The following ATP8B3 variants were observed in gnomAD, a reference collection of about 807,000 sequenced individuals.
ATP8B3 encodes phospholipid-transporting ATPase IK.
A neutral mutation model predicts 140.9 loss-of-function variants in ATP8B3; 141 were observed. That is an observed-to-expected ratio of 1.00 (90% CI 0.87 to 1.15). The LOEUF (loss-of-function observed/expected upper bound fraction) is 1.15, where lower values mean the gene tolerates loss of function less well. Among genes scored for constraint, ATP8B3 ranks in the 50% most tolerant of loss-of-function variants. The pLI is 0.00. For synonymous variants in ATP8B3, 765 were observed against 714.6 expected (o/e 1.07, Z -1.13); for missense variants, 1,874 against 1,740.6 (o/e 1.08, Z -1.36).
At position 1,807,906 on chromosome 19, in the gene ATP8B3, A is replaced by G. The variant is rs1174466175; in HGVS notation, c.516+316T>C. Among the ~76,000 whole-genome samples, 2 of 152,204 alleles carry G rather than the reference A, an allele frequency of 1.3e-5. No homozygotes were observed. Among genetic ancestry groups the G allele is most frequent in the African/African-American group, 2.4e-5 (1 of 41,450 alleles). ...GAGGTCAGCTGGGAGGGCGGGGGCC[A>G]GGGGAGCTGCGTGGCCGAGGCCGTT... On this transcript the variant is annotated intron_variant, in intron 5 of 28. Coordinates refer to ENST00000310127, the MANE Select transcript of ATP8B3 (RefSeq NM_138813.4). This position sits in a 1 kb window ranked among gnomAD's most constrained non-coding sequence, Gnocchi z 5.9.
intron 14 of ATP8B3, among the ~76,000 whole-genome samples, chr19:1,797,260 C>A (rs6510627): frequency 6.6e-6 from 1 of 150,556 alleles, no homozygotes; most frequent in African/African-American, 2.4e-5. Flanking sequence ...AGCCTGGAGC[C>A]GGATGCGGCC....
chr19:1,792,163 A>T, intron 18 of ATP8B3, 28 bp from the exon 19 acceptor site: 1 of 1,545,544 alleles, frequency 6.5e-7, no homozygotes. Flanking sequence ...GGAAGCTGTC[A>T]CCATGCTGAA....
chr19:1,811,353 G>A, intron 2 of ATP8B3, 136 bp downstream of exon 2: 2 of 1,270,216 alleles, frequency 1.6e-6, no homozygotes, highest in Non-Finnish European at 2.1e-6. Context: ...GGGGGCCCTG[G>A]TTTGGCCCCC....
In ATP8B3 at chr19:1,783,258, C is replaced by A. The variant is rs1295631117; in HGVS notation, c.3673G>T (p.Glu1225Ter). 1 of 1,608,444 alleles carries A rather than the reference C, an allele frequency of 6.2e-7. No homozygotes were observed. Among genetic ancestry groups the A allele is most frequent in the African/African-American group, 1.3e-5 (1 of 74,820 alleles). ...KELRAKEEKVEEGPSEEIFTM... is the reference protein window; with the variant it reads ...KELRAKEEKV ...AAAATCTCCTCGCTGGGGCCCTCCT[C>A]CACCTTCTCCTCCTGAAGAGCAAAG... Residue 1225 changes from glutamate to a stop codon, truncating the protein, a stop_gained, in exon 29 of 29, where the codon GAG (glutamate) becomes TAG (stop). Coordinates refer to ENST00000310127, the MANE Select transcript of ATP8B3 (RefSeq NM_138813.4). LOFTEE classifies it low-confidence loss of function (END_TRUNC).
intron 18 of ATP8B3, 27 bp downstream of exon 18, chr19:1,795,831 ACACACACACACACACAT>A (rs750823637): frequency 1.5e-5 from 20 of 1,376,344 alleles, no homozygotes; most frequent in African/African-American, 1.1e-4. Context: ...ACACACACAC[ACACACACACACACACAT>A]AAGCCAGCCT....
At chr19:1,786,415 A>G (rs1187844537) in intron 25 of ATP8B3, among the ~76,000 whole-genome samples, 1 of 151,962 alleles carries the variant, frequency 6.6e-6, no homozygotes, top group Non-Finnish European at 1.5e-5. Context: ...AAAATAAAAA[A>G]ATTAGCCGGG....
In ATP8B3 at chr19:1,805,436, C is replaced by G; in HGVS notation, c.842G>C (p.Arg281Thr). The change falls in exon 10 of 29, where the codon AGA (arginine) becomes ACA (threonine). Residue 281 changes from arginine (R) to threonine (T), a missense_variant. By Grantham distance (71) the Arg-to-Thr change is moderately conservative (BLOSUM62 -1). Coordinates refer to ENST00000310127, the MANE Select transcript of ATP8B3 (RefSeq NM_138813.4). This position sits in a 1 kb window ranked among gnomAD's most constrained non-coding sequence, Gnocchi z 5.2. Reference sequence around the variant, plus strand: ...TTTGTGGGTGACCATCAGGGCCTGTCTGAACTTCAAGTTGGTCTCCCTGGT... The same window carrying G: ...TTTGTGGGTGACCATCAGGGCCTGTGTGAACTTCAAGTTGGTCTCCCTGGT... ...DIDGETNLKF[R>T]QALMVTHKEL... The G allele has an allele frequency of 6.4e-7, 1 of 1,564,834 alleles. No individual in the cohort carries two copies. Among genetic ancestry groups the G allele is most frequent in the Admixed American group, 1.9e-5 (1 of 53,104 alleles).
Position 1,810,804 on chromosome 19 carries a change from T to A in ATP8B3, c.249-121A>T, listed in dbSNP as rs2069167821. On this transcript the variant is annotated intron_variant, in intron 2 of 28. Transcript: ENST00000310127. ...TCTCAAATGCTACCTCCCACACTCA[T>A]CTGCAGCCTCCCCGCCAGGCTCTGA... 3.6e-6 allele frequency: 3 copies of A among 835,096 alleles called. No individual in the cohort carries two copies. In the Middle Eastern group the frequency reaches 1.0e-3, roughly 280 times the overall value. 51.7% of individuals were successfully genotyped at this position (835,096 alleles called of 1,614,324 possible).
rs556114421 is a variant in ATP8B3 at position 1,810,778 on chromosome 19, C to T, written c.249-95G>A. On this transcript the variant is annotated intron_variant, in intron 2 of 28. Coordinates refer to ENST00000310127, the MANE Select transcript of ATP8B3 (RefSeq NM_138813.4). Reference sequence around the variant, plus strand: ...GGAGCTCACAGCCTAGGGGCCGACCCTCTCAAATGCTACCTCCCACACTCA... The same window carrying T: ...GGAGCTCACAGCCTAGGGGCCGACCTTCTCAAATGCTACCTCCCACACTCA... The T allele has an allele frequency of 3.7e-4, 415 of 1,131,992 alleles. 7 individuals carry two copies. The South Asian group carries it at 4.6e-3, about 12-fold the overall frequency. The allele number at this position is 1,131,992 out of a possible 1,614,324, so 70.1% of individuals were successfully genotyped here. A position where few individuals can be genotyped will look rare whatever the true frequency, so the allele number is the denominator to read the frequency against.
rs1346196699 is a variant in ATP8B3, at chr19:1,800,772, G to A, written c.1153-323C>T. ...CCAGGAGGCTGCAGTGAGATATCAT[G>A]GCGCCACTGCACTCCATCCTGGGCA... On this transcript the variant is annotated intron_variant, in intron 12 of 28. Transcript: ENST00000310127. This position sits in a 1 kb window ranked among gnomAD's most constrained non-coding sequence, Gnocchi z 4.4. Among the ~76,000 whole-genome samples, 1 of 152,012 alleles carries A rather than the reference G, an allele frequency of 6.6e-6. No homozygotes were observed. The highest frequency in any genetic ancestry group is 6.6e-5 in the Admixed American group (1 of 15,266).
rs1183215831 is a variant in ATP8B3, at chr19:1,783,092, A to T, written c.3839T>A (p.Ile1280Lys). 6 of 1,613,160 alleles carry T rather than the reference A, an allele frequency of 3.7e-6. No individual in the cohort carries two copies. Among genetic ancestry groups the T allele is most frequent in the Non-Finnish European group, 5.1e-6 (6 of 1,179,700 alleles). Residue 1280 changes from isoleucine (I) to lysine (K), a missense_variant, in exon 29 of 29, where the codon ATA becomes AAA. Coordinates refer to ENST00000310127, the MANE Select transcript of ATP8B3 (RefSeq NM_138813.4). ...LRRGPGVSSDIASESLDPSDE... is the reference protein window; with the variant it reads ...LRRGPGVSSDKASESLDPSDE... ...AGATGGGTCTAGGGATTCAGATGCT[A>T]TGTCACTGCTGACCCCTGGTCCCCT...
Position 1,796,721 on chromosome 19 carries a change from A to C in ATP8B3, c.1743T>G (p.Arg581=). 5 of 1,610,420 alleles carry C rather than the reference A, an allele frequency of 3.1e-6. No individual in the cohort carries two copies. The highest frequency in any genetic ancestry group is 4.2e-6 in the Non-Finnish European group (5 of 1,179,198). ...CHTVMVRESP[R]ERPDQLLYQA... is the part of the protein sequence containing the mutation. ...GGTGGGTGGGCGCACCTGGGCGCTCACGGGGGCTCTCCCGCACCATCACCG... is the reference window on the plus strand; with the variant it reads ...GGTGGGTGGGCGCACCTGGGCGCTCCCGGGGGCTCTCCCGCACCATCACCG... The change falls in exon 16 of 29, where the codon CGT becomes CGG. Residue 581 remains arginine, a synonymous_variant. Coordinates refer to ENST00000310127, the MANE Select transcript of ATP8B3 (RefSeq NM_138813.4).
rs558623387 is a variant in ATP8B3 at position 1,793,176 on chromosome 19, G to A, written c.2056-1041C>T. Among the ~76,000 whole-genome samples the A allele has an allele frequency of 1.1e-4, 17 of 150,114 alleles. No individual in the cohort carries two copies. The South Asian group carries it at 3.0e-3, about 26-fold the overall frequency. On this transcript the variant is annotated intron_variant, in intron 18 of 28. Coordinates refer to ENST00000310127, the MANE Select transcript of ATP8B3 (RefSeq NM_138813.4). ...CCCAATCATAGCTCACTGCAGCCTC[G>A]AACTCCTGGGCTCAAGTGATTCTCC...
At chr19:1,788,611 T>C (rs925069760) in intron 24 of ATP8B3, among the ~76,000 whole-genome samples, 1 of 152,014 alleles carries the variant, frequency 6.6e-6, no homozygotes, top group Non-Finnish European at 1.5e-5. Flanking sequence ...GATCGTGCCA[T>C]TGCACTCCAG....
At chr19:1,797,985 G>A (rs1483144814) in intron 14 of ATP8B3, among the ~76,000 whole-genome samples, 1 of 151,584 alleles carries the variant, frequency 6.6e-6, no homozygotes, top group Admixed American at 6.6e-5. Flanking sequence ...TTGTGTGTGT[G>A]TGTGATGGAG....
rs574257766 is a variant in ATP8B3 at position 1,782,224 on chromosome 19, T to C, written c.*804A>G. Reference sequence around the variant, plus strand: ...TCCCAGGAAGGACATCTTCCTGATATGCCAGCGTGACTCCTTTGGGCTCGA... The same window carrying C: ...TCCCAGGAAGGACATCTTCCTGATACGCCAGCGTGACTCCTTTGGGCTCGA... On this transcript the variant is annotated 3_prime_UTR_variant, in exon 29 of 29. Transcript: ENST00000310127. The C allele has an allele frequency of 2.0e-5, 6 of 301,208 alleles. No individual in the cohort carries two copies. The highest frequency in any genetic ancestry group is 6.0e-5 in the East Asian group (1 of 16,720). The allele number at this position is 301,208 out of a possible 1,614,324, so 18.7% of individuals were successfully genotyped here.
At position 1,782,861 on chromosome 19, in the gene ATP8B3, G is replaced by A; in HGVS notation, c.*167C>T. 1 of 849,474 alleles carries A rather than the reference G, an allele frequency of 1.2e-6. No homozygotes were observed. The highest frequency in any genetic ancestry group is 2.7e-5 in the East Asian group (1 of 37,350). 52.6% of individuals were successfully genotyped at this position (849,474 alleles called of 1,614,324 possible). A position where few individuals can be genotyped will look rare whatever the true frequency, so the allele number is the denominator to read the frequency against. On this transcript the variant is annotated 3_prime_UTR_variant, in exon 29 of 29. Coordinates refer to ENST00000310127, the MANE Select transcript of ATP8B3 (RefSeq NM_138813.4). ...AGACTCAGATAGCCTGTTGCTGCTG[G>A]TGAGCACATATTTGGGGAGGGCAGG...
intron 11 of ATP8B3, 93 bp downstream of exon 11, chr19:1,802,394 C>T (rs891127859): frequency 5.1e-6 from 6 of 1,175,752 alleles, no homozygotes; most frequent in Non-Finnish European, 5.9e-6. Context: ...CTCACACATC[C>T]ATCCACCCAC....
intron 2 of ATP8B3, among the ~76,000 whole-genome samples, chr19:1,811,219 AC>A (rs1453762781): frequency 4.7e-5 from 7 of 149,826 alleles, no homozygotes; most frequent in Non-Finnish European, 8.9e-5. Flanking sequence ...TCCCCTCCTC[AC>A]CCCCCCAGGC....
Sources: allele counts gnomAD v4.1 joint callset (sites outside exome capture counted in the v4.1 genomes callset), GRCh38; gene constraint gnomAD v4.1.1; non-coding constraint Gnocchi (gnomAD v3.1); transcripts MANE v1.5; gene names NCBI Gene and HGNC (gene_info 2026-07-23, HGNC 2026-07-21).